The following CREB1 variants were observed in gnomAD, a reference collection of about 807,000 sequenced individuals.
CREB1 encodes cyclic AMP-responsive element-binding protein 1.
CREB1 carries 2 observed loss-of-function variants against 42.0 expected under a neutral mutation model. The observed-to-expected ratio is 0.05, with a 90% CI of 0.02 to 0.15. The LOEUF (loss-of-function observed/expected upper bound fraction) is 0.15, where lower values mean the gene tolerates loss of function less well. CREB1 is among the 10% of genes least tolerant of loss of function. CREB1 has a pLI of 1.00. For synonymous variants in CREB1, 123 were observed against 139.9 expected (o/e 0.88, Z 0.85); for missense variants, 199 against 388.9 (o/e 0.51, Z 4.11).
At chr2:207,565,814 T>A (rs2082120345) in intron 3 of CREB1, among the ~76,000 whole-genome samples, 1 of 152,176 alleles carries the variant, frequency 6.6e-6, no homozygotes, top group African/African-American at 2.4e-5. Context: ...AACTTTGAGT[T>A]CAGTCTTGTT....
intron 1 of CREB1, among the ~76,000 whole-genome samples, chr2:207,530,425 C>T (rs1198830020): frequency 2.1e-5 from 3 of 144,216 alleles, no homozygotes; most frequent in East Asian, 4.2e-4. Context: ...GGGTGGGAGC[C>T]GGCGGCCGGG....
intron 7 of CREB1, among the ~76,000 whole-genome samples, chr2:207,583,518 G>A (rs2083301892): frequency 6.6e-6 from 1 of 151,954 alleles, no homozygotes. Context: ...TTTGTTTTTG[G>A]CCTAATAGTA....
chr2:207,542,928 T>G (rs1427986548), intron 1 of CREB1, among the ~76,000 whole-genome samples: 2 of 152,124 alleles, frequency 1.3e-5, no homozygotes, highest in East Asian at 3.9e-4. Context: ...AAGATGAAAA[T>G]CGAGAAATAA....
chr2:207,557,958 G>A (rs964901316), intron 2 of CREB1, among the ~76,000 whole-genome samples: 22 of 152,132 alleles, frequency 1.4e-4, no homozygotes, highest in African/African-American at 5.3e-4. Flanking sequence ...GAATTGAGAT[G>A]AGATACTCTG....
In CREB1 at chr2:207,599,563, A is replaced by G. The variant is rs1575058369; in HGVS notation, c.*2505A>G. 1.5e-5 allele frequency: 3 copies of G among 197,908 alleles called. No individual in the cohort carries two copies. The East Asian group carries it at 2.4e-4, about 16-fold the overall frequency. 12.3% of individuals were successfully genotyped at this position (197,908 alleles called of 1,614,324 possible). ...TCCTTCATACCTTGAGGATGATTGC[A>G]CTGGTTTTGAAGTCAGTTGCTTAAT... On this transcript the variant is annotated 3_prime_UTR_variant, in exon 8 of 8. Transcript: ENST00000353267.
rs2086886092 is a variant in CREB1 at position 207,600,620 on chromosome 2, C to T, written c.*3562C>T. The T allele has an allele frequency of 4.7e-6, 1 of 212,144 alleles. No individual in the cohort carries two copies. The highest frequency in any genetic ancestry group is 2.3e-5 in the African/African-American group (1 of 44,290). 13.1% of individuals were successfully genotyped at this position (212,144 alleles called of 1,614,324 possible). Reference sequence around the variant, plus strand: ...AGGAACCACTGATTTTTTCAAAAATCATCCTGGGGGAGGAATTTTGGCATT... The same window carrying T: ...AGGAACCACTGATTTTTTCAAAAATTATCCTGGGGGAGGAATTTTGGCATT... On this transcript the variant is annotated 3_prime_UTR_variant, in exon 8 of 8. Coordinates refer to ENST00000353267, the MANE Select transcript of CREB1 (RefSeq NM_004379.5).
At position 207,604,375 on chromosome 2, in the gene CREB1, CATCTCG is replaced by C. The variant is rs2087691647; in HGVS notation, c.*7318_*7323del. Among the ~76,000 whole-genome samples the C allele has an allele frequency of 2.0e-5, 3 of 152,144 alleles. No homozygotes were observed. The highest frequency in any genetic ancestry group is 2.0e-4 in the Admixed American group (3 of 15,282). On this transcript the variant is annotated 3_prime_UTR_variant, in exon 8 of 8. Transcript: ENST00000353267. ...CAAATCTTCCTTCCGCTGGTTTTTC[CATCTCG>C]TAAGTGGTGCCACTATCCATCTGTT...
chr2:207,552,402 A>T (rs1487648921), intron 1 of CREB1, among the ~76,000 whole-genome samples: 1 of 152,186 alleles, frequency 6.6e-6, no homozygotes, highest in African/African-American at 2.4e-5. Context: ...TCTGTGCATT[A>T]GATTGTGTTT....
chr2:207,542,400 G>C (rs1198072153), intron 1 of CREB1, among the ~76,000 whole-genome samples: 3 of 152,118 alleles, frequency 2.0e-5, no homozygotes, highest in Admixed American at 2.0e-4. Context: ...GTTTGGTTTT[G>C]ATTTGTATTT....
chr2:207,571,228 G>A (rs903627512), intron 5 of CREB1, among the ~76,000 whole-genome samples: 2 of 151,866 alleles, frequency 1.3e-5, no homozygotes. Context: ...AAAAGTTTGA[G>A]GCCAGGCACA....
intron 6 of CREB1, 45 bp from the exon 7 acceptor site, chr2:207,577,460 A>T: frequency 6.3e-7 from 1 of 1,598,416 alleles, no homozygotes; most frequent in Non-Finnish European, 8.6e-7. Flanking sequence ...AATTGAATCA[A>T]GTTGCAATGT....
intron 1 of CREB1, among the ~76,000 whole-genome samples, chr2:207,551,751 G>A (rs1280254072): frequency 2.0e-5 from 3 of 151,982 alleles, no homozygotes; most frequent in Non-Finnish European, 4.4e-5. Context: ...AAACTTAGAA[G>A]ACATTTTTCG....
In CREB1 at chr2:207,591,210, GGA is replaced by G. The variant is rs113355586; in HGVS notation, c.840-5700_840-5699del. Among the ~76,000 whole-genome samples, 1,004 of 152,256 alleles carry G rather than the reference GGA, an allele frequency of 6.6e-3. 13 individuals are homozygous for G. The highest frequency in any genetic ancestry group is 0.023 in the African/African-American group (956 of 41,548). Reference sequence around the variant, plus strand: ...TCTACTTAGTCTATCATCACTGACAGGAGAGTGTATTAAGGCATTCATCCCTT... The same window carrying G: ...TCTACTTAGTCTATCATCACTGACAGGAGTGTATTAAGGCATTCATCCCTT... On this transcript the variant is annotated intron_variant, in intron 7 of 7. Coordinates refer to ENST00000353267, the MANE Select transcript of CREB1 (RefSeq NM_004379.5).
intron 3 of CREB1, among the ~76,000 whole-genome samples, chr2:207,561,343 T>A (rs954162087): frequency 1.3e-5 from 2 of 152,218 alleles, no homozygotes; most frequent in Non-Finnish European, 2.9e-5. Flanking sequence ...TGTTGCTTAA[T>A]TCTGTTTAAC....
intron 1 of CREB1, among the ~76,000 whole-genome samples, chr2:207,546,868 G>A (rs1320391367): frequency 1.3e-5 from 2 of 152,158 alleles, no homozygotes; most frequent in African/African-American, 4.8e-5. Context: ...TGGTACCTTT[G>A]AGTTCTTGGG....
At chr2:207,533,213 A>ATT (rs35303892) in intron 1 of CREB1, among the ~76,000 whole-genome samples, 99 of 150,120 alleles carry the variant, frequency 6.6e-4, no homozygotes, top group Admixed American at 3.5e-3. Flanking sequence ...GTTTTGAATG[A>ATT]TTTTTTTTTT....
At chr2:207,535,109 C>T (rs1261665239) in intron 1 of CREB1, among the ~76,000 whole-genome samples, 1 of 152,198 alleles carries the variant, frequency 6.6e-6, no homozygotes, top group African/African-American at 2.4e-5. Context: ...AAACTGCCAT[C>T]TTGCCTTTAT....
Position 207,599,242 on chromosome 2 carries a change from A to G in CREB1, c.*2184A>G, listed in dbSNP as rs568660533. 4 of 201,922 alleles carry G rather than the reference A, an allele frequency of 2.0e-5. No homozygotes were observed. The East Asian group carries it at 3.1e-4, about 16-fold the overall frequency. The allele number at this position is 201,922 out of a possible 1,614,324, so 12.5% of individuals were successfully genotyped here. A position where few individuals can be genotyped will look rare whatever the true frequency, so the allele number is the denominator to read the frequency against. On this transcript the variant is annotated 3_prime_UTR_variant, in exon 8 of 8. Coordinates refer to ENST00000353267, the MANE Select transcript of CREB1 (RefSeq NM_004379.5). ...AAAGTTATAGCATAAAAATTGTGTA[A>G]CCGCATAGATATGTCATTTTTAAAA...
intron 5 of CREB1, among the ~76,000 whole-genome samples, chr2:207,572,569 A>G (rs369117081): frequency 6.8e-4 from 104 of 152,334 alleles, no homozygotes; most frequent in African/African-American, 1.9e-3. Flanking sequence ...GGACATTTCT[A>G]TTGTTTCAAA....
Sources: gnomAD v4.1 joint callset for allele counts (sites outside exome capture counted in the v4.1 genomes callset) on GRCh38, gnomAD v4.1.1 for gene constraint, MANE v1.5 for transcripts, NCBI Gene and HGNC (gene_info 2026-07-23, HGNC 2026-07-21) for gene names.